Variants in MCOLN3 observed in about 807,000 individuals in gnomAD.
The protein encoded by MCOLN3 is mucolipin TRP cation channel 3, also known as mucolipin-3.
A neutral mutation model predicts 69.4 loss-of-function variants in MCOLN3; 62 were observed. The observed-to-expected ratio is 0.89, with a 90% confidence interval of 0.73 to 1.10. MCOLN3 has a LOEUF of 1.10. Among genes scored for constraint, MCOLN3 ranks in the 50% least tolerant of loss-of-function variants. The probability of loss-of-function intolerance (pLI) is 0.00; values close to 1 mark genes in which losing one functional copy is unlikely to be tolerated. For synonymous variants in MCOLN3, 183 were observed against 217.0 expected (o/e 0.84, Z 1.38); for missense variants, 564 against 656.4 (o/e 0.86, Z 1.54).
intron 2 of MCOLN3, among the ~76,000 whole-genome samples, chr1:85,042,404 A>G (rs538765739): frequency 3.9e-4 from 60 of 152,346 alleles, no homozygotes; most frequent in African/African-American, 1.4e-3. Flanking sequence ...CACCCCACAC[A>G]TATCATCACT....
intron 4 of MCOLN3, 133 bp downstream of exon 4, chr1:85,033,965 A>T (rs1277835237): frequency 1.0e-6 from 1 of 974,496 alleles, no homozygotes; most frequent in African/African-American, 1.6e-5. Flanking sequence ...CCTGACACAT[A>T]ATAACTCGTA....
At chr1:85,041,612 G>A (rs1402007183) in intron 2 of MCOLN3, among the ~76,000 whole-genome samples, 1 of 152,108 alleles carries the variant, frequency 6.6e-6, no homozygotes, top group Admixed American at 6.5e-5. Flanking sequence ...GTTCACGCCT[G>A]TAATCCCAGC....
chr1:85,022,048 G>A, intron 11 of MCOLN3, 22 bp downstream of exon 11: 1 of 1,604,802 alleles, frequency 6.2e-7, no homozygotes, highest in Non-Finnish European at 8.5e-7. Context: ...ATAGTAACAG[G>A]AAAAAAGTTG....
At chr1:85,048,191 C>A (rs1653485105) in intron 1 of MCOLN3, among the ~76,000 whole-genome samples, 1 of 152,076 alleles carries the variant, frequency 6.6e-6, no homozygotes, top group African/African-American at 2.4e-5. Flanking sequence ...CACTGACCTG[C>A]GGGCGGCTTG....
At chr1:85,032,615 G>A (rs766318007) in intron 6 of MCOLN3, 81 bp downstream of exon 6, 114 of 1,017,100 alleles carry the variant, frequency 1.1e-4, no homozygotes, top group Admixed American at 1.6e-4. Flanking sequence ...TTATCACACC[G>A]TAATCCAAGG....
At chr1:85,028,247 C>T (rs1652318959) in intron 7 of MCOLN3, among the ~76,000 whole-genome samples, 1 of 152,144 alleles carries the variant, frequency 6.6e-6, no homozygotes, top group Admixed American at 6.5e-5. Flanking sequence ...TACTCTATCT[C>T]ATTATTACGT....
intron 1 of MCOLN3, among the ~76,000 whole-genome samples, chr1:85,046,668 AG>A (rs1653369111): frequency 6.6e-6 from 1 of 152,214 alleles, no homozygotes; most frequent in Non-Finnish European, 1.5e-5. Context: ...TTCCAATTCA[AG>A]CATTCTTAGG....
At chr1:85,021,906 G>C (rs1467377585) in intron 11 of MCOLN3, among the ~76,000 whole-genome samples, 164 bp downstream of exon 11, 1 of 152,118 alleles carries the variant, frequency 6.6e-6, no homozygotes, top group East Asian at 1.9e-4. Context: ...ATTCTCTCAA[G>C]CTGGTCACAC....
At chr1:85,028,047 T>C (rs141468519) in intron 7 of MCOLN3, among the ~76,000 whole-genome samples, 1 of 152,310 alleles carries the variant, frequency 6.6e-6, no homozygotes, top group East Asian at 1.9e-4. Context: ...AACAAACATT[T>C]GAGAGAATGC....
At chr1:85,026,733 G>A (rs986020810) in intron 7 of MCOLN3, among the ~76,000 whole-genome samples, 17 of 150,920 alleles carry the variant, frequency 1.1e-4, no homozygotes, top group Non-Finnish European at 7.4e-5. Context: ...CTCCAGGCTG[G>A]GTGACAGAGC....
chr1:85,022,174 G>A lies in MCOLN3; in HGVS notation c.1216C>T (p.Gln406Ter). The change falls in exon 11 of 13, where the codon CAG becomes TAG. Residue 406 changes from glutamine (Q) to a stop codon, truncating the protein, a stop_gained. Coordinates refer to ENST00000370589, the MANE Select transcript of MCOLN3 (RefSeq NM_018298.11). LOFTEE classifies it high-confidence loss of function. Reference sequence around the variant, plus strand: ...CTGATGACATTGGGCAGCGCTGCCTGAAGGGTCAAAATGAGGAGCTGGGAA... The same window carrying A: ...CTGATGACATTGGGCAGCGCTGCCTAAAGGGTCAAAATGAGGAGCTGGGAA... ...AKYNLLILTL[Q>*]AALPNVIRFC... 6.2e-7 allele frequency: 1 copy of A among 1,614,110 alleles called. No individual in the cohort carries two copies. The highest frequency in any genetic ancestry group is 8.5e-7 in the Non-Finnish European group (1 of 1,179,970).
intron 9 of MCOLN3, among the ~76,000 whole-genome samples, chr1:85,023,921 C>T (rs1186375674): frequency 6.6e-6 from 1 of 152,118 alleles, no homozygotes; most frequent in Non-Finnish European, 1.5e-5. Context: ...TTCAAAGCTG[C>T]TGCTAGGTCA....
chr1:85,025,981 C>A lies in MCOLN3; in HGVS notation c.1053G>T (p.Leu351Phe). The A allele has an allele frequency of 6.3e-7, 1 of 1,598,632 alleles. No homozygotes were observed. The highest frequency in any genetic ancestry group is 1.1e-5 in the South Asian group (1 of 88,298). Reference sequence around the variant, plus strand: ...TTTTTAGAATTGATCCAATGATTGTCAATATGTCACTAATAATAATCATAA... The same window carrying A: ...TTTTTAGAATTGATCCAATGATTGTAAATATGTCACTAATAATAATCATAA... ...WYIMIIISDI[L>F]TIIGSILKME... is the part of the protein sequence containing the mutation. Residue 351 changes from leucine (L) to phenylalanine (F), a missense_variant, in exon 9 of 13, where the codon TTG becomes TTT. Transcript: ENST00000370589.
At chr1:85,025,325 T>A (rs937066018) in intron 9 of MCOLN3, 1 of 152,216 alleles carries the variant, frequency 6.6e-6, no homozygotes, top group African/African-American at 2.4e-5. Context: ...TAGGGAAACA[T>A]AAGTTTGAGC....
At position 85,018,686 on chromosome 1, in the gene MCOLN3, A is replaced by G. The variant is rs1256217679; in HGVS notation, c.*437T>C. ...TGCAATGATTACTGTATAAATGATA[A>G]CTACACCCACTCTCTCAAGGATGGA... On this transcript the variant is annotated 3_prime_UTR_variant, in exon 13 of 13. Transcript: ENST00000370589. The G allele has an allele frequency of 1.3e-5, 2 of 156,032 alleles. No individual in the cohort carries two copies. Among genetic ancestry groups the G allele is most frequent in the African/African-American group, 4.8e-5 (2 of 41,458 alleles). The allele number at this position is 156,032 out of a possible 1,614,324, so 9.7% of individuals were successfully genotyped here.
At chr1:85,039,958 A>AG (rs544589450) in intron 3 of MCOLN3, among the ~76,000 whole-genome samples, 1 of 151,442 alleles carries the variant, frequency 6.6e-6, no homozygotes, top group Non-Finnish European at 1.5e-5. Flanking sequence ...CTCAAAAAAA[A>AG]AAAAATTTAA....
intron 2 of MCOLN3, among the ~76,000 whole-genome samples, chr1:85,042,046 C>A (rs796088447): frequency 1.3e-5 from 2 of 152,072 alleles, no homozygotes; most frequent in African/African-American, 4.8e-5. Flanking sequence ...AGAAACTACA[C>A]CCTTACTTAA....
chr1:85,045,320 TGA>T lies in MCOLN3; in HGVS notation c.39_40del (p.His14Ter), dbSNP rs762721169. 3.1e-6 allele frequency: 5 copies of T among 1,614,004 alleles called. No individual in the cohort carries two copies. In the African/African-American group the frequency reaches 5.3e-5, roughly 17 times the overall value. On this transcript the variant is annotated frameshift_variant, in exon 2 of 13. Transcript: ENST00000370589. LOFTEE classifies it high-confidence loss of function. ...AAAATTGCAGCGATTTTCCTCTTCA[TGA>T]GAGCTGCAGCTACTCACAACTACCT...
chr1:85,021,672 T>C (rs574734800), intron 11 of MCOLN3, among the ~76,000 whole-genome samples: 4 of 152,206 alleles, frequency 2.6e-5, no homozygotes, highest in Non-Finnish European at 5.9e-5. Context: ...GAGCATAATA[T>C]TCCAGACTAT....
Sources: allele counts gnomAD v4.1 joint callset (sites outside exome capture counted in the v4.1 genomes callset), GRCh38; gene constraint gnomAD v4.1.1; transcripts MANE v1.5; gene names NCBI Gene and HGNC (gene_info 2026-07-23, HGNC 2026-07-21).